GPAT2: variants seen among roughly 807,000 people sequenced by gnomAD.
GPAT2 encodes the protein 1-acylglycerol-3-phosphate O-acyltransferase GPAT2.
A neutral mutation model predicts 71.0 loss-of-function variants in GPAT2; 51 were observed. The observed-to-expected ratio is 0.72, with a 90% confidence interval of 0.57 to 0.91. The LOEUF (loss-of-function observed/expected upper bound fraction) is 0.91, where lower values mean the gene tolerates loss of function less well. Ranked by LOEUF, GPAT2 falls within the 40% of genes least tolerant of loss-of-function variation. GPAT2 has a pLI of 0.00. For missense variants in GPAT2, 511 were observed against 666.0 expected, an observed-to-expected ratio of 0.77 and a Z score of 2.56; for synonymous variants, 222 against 290.3, an observed-to-expected ratio of 0.76 and a Z score of 2.39.
At position 96,023,216 on chromosome 2, in the gene GPAT2, T is replaced by C. The variant is rs1679909190; in HGVS notation, c.2057A>G (p.Gln686Arg). 1 of 1,608,294 alleles carries C rather than the reference T, an allele frequency of 6.2e-7. No homozygotes were observed. Among genetic ancestry groups the C allele is most frequent in the African/African-American group, 1.3e-5 (1 of 74,880 alleles). ...ADGRYFRLSQ[Q>R]SHCPDFFLFL... ...AAGAAAGAAATCTGGGCAGTGTGACTGCTGGCTGAGCTGGAGGGGACAGGC... is the reference window on the plus strand; with the variant it reads ...AAGAAAGAAATCTGGGCAGTGTGACCGCTGGCTGAGCTGGAGGGGACAGGC... The change falls in exon 19 of 22, where the codon CAG (glutamine) becomes CGG (arginine). Residue 686 changes from glutamine to arginine, a missense_variant. Gln to Arg is a conservative substitution (Grantham distance 43). Transcript: ENST00000434632.
chr2:96,022,793 C>A, intron 20 of GPAT2, 70 bp from the exon 21 acceptor site: 1 of 1,613,904 alleles, frequency 6.2e-7, no homozygotes, highest in Non-Finnish European at 8.5e-7. Context: ...GGCTTCTCTC[C>A]TCTTGTTTAA....
rs569286563 is a variant in GPAT2, at chr2:96,025,573, C to G, written c.1269G>C (p.Gln423His). Residue 423 changes from glutamine to histidine, a missense_variant, in exon 13 of 22, where the codon CAG becomes CAC. Transcript: ENST00000434632. ...CTAVPDTEKEQEWTPITGPLL... is the reference protein window; with the variant it reads ...CTAVPDTEKEHEWTPITGPLL... The stretch of plus-strand genomic sequence containing the variant: ...GAGGCCCAGTTATGGGGGTCCACTC[C>G]TGCTCCTTCTCAGTGTCTGGGACAG... 987 of 1,575,792 alleles carry G rather than the reference C, an allele frequency of 6.3e-4. 5 individuals carry two copies. Among genetic ancestry groups the G allele is most frequent in the Non-Finnish European group, 7.7e-4 (897 of 1,162,400 alleles).
chr2:96,024,824 C>T lies in GPAT2; in HGVS notation c.1377G>A (p.Ala459=), dbSNP rs199694491. Reference sequence around the variant, plus strand: ...TTGCCATAATGGCCGTGCTCATCACCGCAGAGCTCCCTACACTGGCTGGAG... The same window carrying T: ...TTGCCATAATGGCCGTGCTCATCACTGCAGAGCTCCCTACACTGGCTGGAG... The part of the protein sequence containing the change: ...HVLSASVGSS[A]VMSTAIMATL... Residue 459 remains alanine, a synonymous_variant, in exon 14 of 22, where the codon GCG becomes GCA. Coordinates refer to ENST00000434632, the MANE Select transcript of GPAT2 (RefSeq NM_001321527.2). 8.7e-6 allele frequency: 14 copies of T among 1,613,388 alleles called. No individual in the cohort carries two copies. The highest frequency in any genetic ancestry group is 2.2e-5 in the East Asian group (1 of 44,870).
At chr2:96,026,155 T>G (rs1680380042) in intron 11 of GPAT2, 28 bp downstream of exon 11, 1 of 1,585,236 alleles carries the variant, frequency 6.3e-7, no homozygotes, top group South Asian at 1.2e-5. Context: ...CCCCAGGTAC[T>G]CCCAGCCTTC....
In GPAT2 at chr2:96,025,126, G is replaced by T. The variant is rs544693201; in HGVS notation, c.1358-283C>A. On this transcript the variant is annotated intron_variant, in intron 13 of 21. Coordinates refer to ENST00000434632, the MANE Select transcript of GPAT2 (RefSeq NM_001321527.2). ...GGATCTCCCTATAAGGGCCCTCTGT[G>T]GAGGCGCTGTGCTAAGCCCCTTACA... 2.0e-5 allele frequency: 12 copies of T among 586,528 alleles called. No individual in the cohort carries two copies. The South Asian group carries it at 2.2e-4, about 11-fold the overall frequency. 36.3% of individuals were successfully genotyped at this position (586,528 alleles called of 1,614,324 possible). A position where few individuals can be genotyped will look rare whatever the true frequency, so the allele number is the denominator to read the frequency against.
rs1006601374 is a variant in GPAT2, at chr2:96,023,383, G to C, written c.1972C>G (p.Leu658Val). ...GTAAAGTCCCCACTCGGTTTCCACAGCAGCTTTCTGCTCAATCGCTGTCGC... is the reference window on the plus strand; with the variant it reads ...GTAAAGTCCCCACTCGGTTTCCACACCAGCTTTCTGCTCAATCGCTGTCGC... ...TGRQRLSRKL[L>V]WKPSGDFTDS... The change falls in exon 18 of 22, where the codon CTG becomes GTG. Residue 658 changes from leucine (L) to valine (V), a missense_variant. Transcript: ENST00000434632. The C allele has an allele frequency of 3.1e-6, 5 of 1,614,068 alleles. No individual in the cohort carries two copies. In the African/African-American group the frequency reaches 6.7e-5, roughly 22 times the overall value.
intron 10 of GPAT2, 194 bp downstream of exon 10, chr2:96,026,503 T>TCAAG (rs1680432907): frequency 2.8e-6 from 1 of 358,880 alleles, no homozygotes; most frequent in African/African-American, 3.9e-5. Context: ...TCCCTCCCTA[T>TCAAG]CAAGGTCTTC....
Position 96,023,909 on chromosome 2 carries a change from A to G in GPAT2, c.1914+14T>C, listed in dbSNP as rs1239694758. On this transcript the variant is annotated intron_variant, in intron 17 of 21. Transcript: ENST00000434632. Reference sequence around the variant, plus strand: ...GCTCCAGGCAAGGATCTTGTCTCCAACTGCCCTGCCTACCTCCTCAGCAAC... The same window carrying G: ...GCTCCAGGCAAGGATCTTGTCTCCAGCTGCCCTGCCTACCTCCTCAGCAAC... The G allele has an allele frequency of 3.2e-6, 5 of 1,576,814 alleles. No homozygotes were observed. In the South Asian group the frequency reaches 3.5e-5, roughly 11 times the overall value.
intron 10 of GPAT2, 195 bp from the exon 11 acceptor site, chr2:96,026,500 C>T: frequency 2.6e-6 from 1 of 377,966 alleles, no homozygotes; most frequent in East Asian, 3.9e-5. Flanking sequence ...AAATCCCTCC[C>T]TATCAAGGTC....
In GPAT2 at chr2:96,024,684, C is replaced by T. The variant is rs1370471962; in HGVS notation, c.1430G>A (p.Gly477Asp). The change falls in exon 15 of 22, where the codon GGT becomes GAT. Residue 477 changes from glycine (G) to aspartate (D), a missense_variant and splice_region_variant. Physicochemically the swap from Gly to Asp is moderately conservative, Grantham distance 94. Coordinates refer to ENST00000434632, the MANE Select transcript of GPAT2 (RefSeq NM_001321527.2). ...ATLLLFKHQKGVFLSQLLGEF... is the reference protein window; with the variant it reads ...ATLLLFKHQKDVFLSQLLGEF... ...CCCCAGGAGCTGCGACAGGAACACA[C>T]CCTGGGTGGGCAGAGCAGGGCTAGG... 1 of 1,613,708 alleles carries T rather than the reference C, an allele frequency of 6.2e-7. No homozygotes were observed. Among genetic ancestry groups the T allele is most frequent in the Non-Finnish European group, 8.5e-7 (1 of 1,179,898 alleles).
In GPAT2 at chr2:96,024,018, C is replaced by T. The variant is rs1328073985; in HGVS notation, c.1837-18G>A. ...TGGCAGGGCTGGGAGAAAAAGGCAC[C>T]CATGTGGCCTCAGGAGAGCCAGGCA... On this transcript the variant is annotated intron_variant, in intron 16 of 21. Coordinates refer to ENST00000434632, the MANE Select transcript of GPAT2 (RefSeq NM_001321527.2). The T allele has an allele frequency of 1.3e-6, 2 of 1,576,670 alleles. No homozygotes were observed. The highest frequency in any genetic ancestry group is 8.6e-7 in the Non-Finnish European group (1 of 1,161,286).
rs780510392 is a variant in GPAT2 at position 96,024,517 on chromosome 2, G to A, written c.1597C>T (p.Leu533=). Residue 533 remains leucine (L), a synonymous_variant, in exon 15 of 22, where the codon CTG becomes TTG. Coordinates refer to ENST00000434632, the MANE Select transcript of GPAT2 (RefSeq NM_001321527.2). ...ALLRIRQGDL[L]VVPQPGPGLT... ...CCTGGGCCAGGCTGCGGCACCACCA[G>A]CAAGTCACCCTGACGGATGCGCAGC... 1 of 1,613,924 alleles carries A rather than the reference G, an allele frequency of 6.2e-7. No individual in the cohort carries two copies. The highest frequency in any genetic ancestry group is 8.5e-7 in the Non-Finnish European group (1 of 1,179,966).
In GPAT2 at chr2:96,026,229, T is replaced by C. The variant is rs1371713754; in HGVS notation, c.1109A>G (p.His370Arg). The C allele has an allele frequency of 6.2e-7, 1 of 1,611,526 alleles. No individual in the cohort carries two copies. Among genetic ancestry groups the C allele is most frequent in the South Asian group, 1.1e-5 (1 of 90,876 alleles). ...RSLWSRWGCS[H>R]RICSRVHLAQ... ...TAGGTGCACCCGGGAGCAGATCCGG[T>C]GGCTGCAGCCCCAGCGGCTCCACAA... Residue 370 changes from histidine (H) to arginine (R), a missense_variant, in exon 11 of 22, where the codon CAC (histidine) becomes CGC (arginine). By Grantham distance (29) the His-to-Arg change is conservative (BLOSUM62 0). This residue lies in a region of GPAT2 where 79 missense variants were observed against 111.4 expected (regional missense o/e 0.71). Transcript: ENST00000434632.
rs984629642 is a variant in GPAT2 at position 96,022,869 on chromosome 2, G to C, written c.2233+89C>G. On this transcript the variant is annotated intron_variant, in intron 20 of 21. Transcript: ENST00000434632. ...CTGTACTCTGCAGCCTGCCTTCCTAGAGTTGGGTTGTCACTGTCCTGCAGG... is the reference window on the plus strand; with the variant it reads ...CTGTACTCTGCAGCCTGCCTTCCTACAGTTGGGTTGTCACTGTCCTGCAGG... 2.5e-6 allele frequency: 4 copies of C among 1,611,966 alleles called. No individual in the cohort carries two copies. The African/African-American group carries it at 5.3e-5, about 22-fold the overall frequency.
In GPAT2 at chr2:96,025,467, G is replaced by T. The variant is rs1459434674; in HGVS notation, c.1357+18C>A. ...TCAGTGACCCACCCGCAAAGGCCCA[G>T]ATCTGGTTCACCCTCACCACTCAGG... On this transcript the variant is annotated intron_variant, in intron 13 of 21. Transcript: ENST00000434632. The T allele has an allele frequency of 6.4e-7, 1 of 1,573,234 alleles. No homozygotes were observed. The highest frequency in any genetic ancestry group is 1.4e-5 in the African/African-American group (1 of 72,954).
Position 96,022,971 on chromosome 2 carries a change from T to G in GPAT2, c.2220A>C (p.Glu740Asp). The G allele has an allele frequency of 6.2e-7, 1 of 1,613,904 alleles. No homozygotes were observed. Among genetic ancestry groups the G allele is most frequent in the South Asian group, 1.1e-5 (1 of 91,074 alleles). Residue 740 changes from glutamate to aspartate, a missense_variant, in exon 20 of 22, where the codon GAA becomes GAC. Glu to Asp is a conservative substitution (Grantham distance 45). Transcript: ENST00000434632. ...LFQFLQATAQ[E>D]EGIFECADPK... is the part of the protein sequence containing the mutation. ...GTTGGGACTCACCGAAGATCCCTTC[T>G]TCCTGGGCGGTGGCCTGCAGGAACT...
chr2:96,023,667 G>A lies in GPAT2; in HGVS notation c.1915-227C>T, dbSNP rs1405293752. 4 of 679,686 alleles carry A rather than the reference G, an allele frequency of 5.9e-6. No individual in the cohort carries two copies. The African/African-American group carries it at 7.1e-5, about 12-fold the overall frequency. The allele number at this position is 679,686 out of a possible 1,614,324, so 42.1% of individuals were successfully genotyped here. On this transcript the variant is annotated intron_variant, in intron 17 of 21. Transcript: ENST00000434632. ...GGCCAAGAAATGTGGGGAGCAGGAGGTGTGCAGAGAACCTCAGAGGCACAC... is the reference window on the plus strand; with the variant it reads ...GGCCAAGAAATGTGGGGAGCAGGAGATGTGCAGAGAACCTCAGAGGCACAC...
At chr2:96,022,310 C>T in intron 21 of GPAT2, 35 bp from the exon 22 acceptor site, 1 of 1,551,218 alleles carries the variant, frequency 6.4e-7, no homozygotes, top group South Asian at 1.2e-5. Flanking sequence ...AGTGCGCTCA[C>T]CACAGGGACT....
rs1680570173 is a variant in GPAT2, at chr2:96,029,623, GT to G, written c.485+782del. On this transcript the variant is annotated intron_variant, in intron 6 of 21. Coordinates refer to ENST00000434632, the MANE Select transcript of GPAT2 (RefSeq NM_001321527.2). The stretch of plus-strand genomic sequence containing the variant: ...TGTTCTCTGTCCATACCACCAGAAA[GT>G]AGGCTAGAAACGGGGCTGTCCTGTA... 3.7e-5 allele frequency among the ~76,000 whole-genome samples: 5 copies of G among 133,440 alleles called. No homozygotes were observed. In the South Asian group the frequency reaches 1.1e-3, roughly 29 times the overall value. 87.5% of individuals were successfully genotyped at this position (133,440 alleles called of 152,430 possible). A position where few individuals can be genotyped will look rare whatever the true frequency, so the allele number is the denominator to read the frequency against.
Sources: allele counts gnomAD v4.1 joint callset (sites outside exome capture counted in the v4.1 genomes callset), GRCh38; gene constraint gnomAD v4.1.1; regional missense constraint gnomAD v4.1.1; transcripts MANE v1.5; gene names NCBI Gene and HGNC (gene_info 2026-07-23, HGNC 2026-07-21).